The following TJP2 variants were observed in gnomAD, a reference collection of about 807,000 sequenced individuals.
TJP2 encodes Friedreich ataxia region gene X104 (tight junction protein ZO-2).
A neutral mutation model predicts 133.1 loss-of-function variants in TJP2; 91 were observed. That is an observed-to-expected ratio of 0.68 (90% CI 0.58 to 0.81). The LOEUF (loss-of-function observed/expected upper bound fraction) is 0.81, where lower values mean the gene tolerates loss of function less well. TJP2 is among the 40% of genes least tolerant of loss of function. The pLI is 0.00. For synonymous variants in TJP2, 592 were observed against 583.4 expected (o/e 1.01, Z -0.21); for missense variants, 1,541 against 1,565.6 (o/e 0.98, Z 0.26).
At chr9:69,228,273 A>G (rs1829501034) in intron 9 of TJP2, among the ~76,000 whole-genome samples, 159 bp downstream of exon 9, 1 of 152,216 alleles carries the variant, frequency 6.6e-6, no homozygotes, top group South Asian at 2.1e-4. Flanking sequence ...ACCACACAGC[A>G]CATGTTCTGA....
chr9:69,221,458 C>T lies in TJP2; in HGVS notation c.914C>T (p.Pro305Leu). ...PSPEPRGRPG[P>L]IGVLLMKSRA... ...CCCGAGCCTAGGGGGCGGCCGGGGC[C>T]CATCGGGGTCCTCCTGATGAAAAGC... The change falls in exon 5 of 23, where the codon CCC becomes CTC. Residue 305 changes from proline to leucine, a missense_variant. Coordinates refer to ENST00000377245, the MANE Select transcript of TJP2 (RefSeq NM_004817.4). 1 of 1,597,602 alleles carries T rather than the reference C, an allele frequency of 6.3e-7. No homozygotes were observed. Among genetic ancestry groups the T allele is most frequent in the Non-Finnish European group, 8.5e-7 (1 of 1,171,950 alleles).
intron 1 of TJP2, among the ~76,000 whole-genome samples, chr9:69,207,198 T>C (rs950302886): frequency 4.6e-5 from 7 of 152,240 alleles, no homozygotes; most frequent in Admixed American, 2.6e-4. Flanking sequence ...GAAAAACGCA[T>C]ACCAAAATTT....
chr9:69,239,847 C>T (rs1487360739), intron 16 of TJP2, 90 bp from the exon 17 acceptor site: 4 of 1,032,828 alleles, frequency 3.9e-6, no homozygotes, highest in South Asian at 1.4e-5. Context: ...CAAGATATAT[C>T]TCATACAGCC....
rs143191459 is a variant in TJP2 at position 69,243,130 on chromosome 9, C to T, written c.2566+2983C>T. On this transcript the variant is annotated intron_variant, in intron 17 of 22. Coordinates refer to ENST00000377245, the MANE Select transcript of TJP2 (RefSeq NM_004817.4). The stretch of plus-strand genomic sequence containing the variant: ...CTGCCCGTGTTGGCCTCCTAAAATG[C>T]TGGGATTACAGGCATGAGCCACCGT... Among the ~76,000 whole-genome samples, 562 of 152,258 alleles carry T rather than the reference C, an allele frequency of 3.7e-3. 6 individuals carry two copies. The highest frequency in any genetic ancestry group is 0.013 in the African/African-American group (522 of 41,546).
intron 2 of TJP2, among the ~76,000 whole-genome samples, chr9:69,213,330 G>A (rs1280057609): frequency 6.6e-6 from 1 of 152,166 alleles, no homozygotes; most frequent in Non-Finnish European, 1.5e-5. Context: ...GCAAAGTGCT[G>A]GGTTGCAGGC....
rs773854691 is a variant in TJP2 at position 69,221,091 on chromosome 9, C to T, written c.547C>T (p.Arg183Trp). Residue 183 changes from arginine to tryptophan, a missense_variant, in exon 5 of 23, where the codon CGG becomes TGG. By Grantham distance (101) the Arg-to-Trp change is moderately radical (BLOSUM62 -3). Transcript: ENST00000377245. ...CCCGGAAAGGGGGCGTCCCCATGAG[C>T]GGGCCCGGAGCCGGGAGCGGGACCT... ...DSPERGRPHERARSRERDLSR... is the reference protein window; with the variant it reads ...DSPERGRPHEWARSRERDLSR... 1.9e-6 allele frequency: 3 copies of T among 1,585,868 alleles called. No individual in the cohort carries two copies. The highest frequency in any genetic ancestry group is 2.6e-6 in the Non-Finnish European group (3 of 1,166,606).
At chr9:69,192,304 C>T (rs1826255777) in intron 1 of TJP2, among the ~76,000 whole-genome samples, 1 of 151,880 alleles carries the variant, frequency 6.6e-6, no homozygotes, top group Admixed American at 6.6e-5. Context: ...AAAAAACTTT[C>T]ATGTTAAATT....
intron 2 of TJP2, among the ~76,000 whole-genome samples, chr9:69,157,874 A>G (rs1483505355): frequency 6.6e-6 from 1 of 152,196 alleles, no homozygotes; most frequent in Non-Finnish European, 1.5e-5. Flanking sequence ...CATTTGGCCT[A>G]TCCTTGGAAA....
At chr9:69,228,143 C>T (rs1829491276) in intron 9 of TJP2, 29 bp downstream of exon 9, 3 of 1,576,322 alleles carry the variant, frequency 1.9e-6, no homozygotes, top group Admixed American at 1.9e-5. Flanking sequence ...TCAGTTTCAA[C>T]AGTTGTGTTC....
At chr9:69,174,585 G>A (rs1824923494) in intron 1 of TJP2, among the ~76,000 whole-genome samples, 153 bp downstream of exon 1, 1 of 152,200 alleles carries the variant, frequency 6.6e-6, no homozygotes, top group African/African-American at 2.4e-5. Context: ...ACGCAGGGGA[G>A]GGGTAGGTTT....
At chr9:69,148,363 C>CTCTGTAA (rs1354629788) in intron 1 of TJP2, among the ~76,000 whole-genome samples, 1 of 147,986 alleles carries the variant, frequency 6.8e-6, no homozygotes, top group Non-Finnish European at 1.5e-5. Flanking sequence ...ATGCTTCCCC[C>CTCTGTAA]TCTGTAATAC....
chr9:69,202,486 T>C (rs980583897), intron 1 of TJP2, among the ~76,000 whole-genome samples: 36 of 152,208 alleles, frequency 2.4e-4, no homozygotes, highest in Non-Finnish European at 4.4e-5. Flanking sequence ...AAAATCCATG[T>C]ATAACTTTTG....
rs186213415 is a variant in TJP2 at position 69,207,062 on chromosome 9, A to G, written c.61-5486A>G. Among the ~76,000 whole-genome samples the G allele has an allele frequency of 1.7e-3, 257 of 152,136 alleles. 1 individual carries two copies. The highest frequency in any genetic ancestry group is 6.0e-3 in the African/African-American group (250 of 41,498). On this transcript the variant is annotated intron_variant, in intron 1 of 22. Transcript: ENST00000377245. ...CCATACTCTGCCTCCTGCCCAGGTCACCTCATCCTGAATGTTATGTTTTTC... is the reference window on the plus strand; with the variant it reads ...CCATACTCTGCCTCCTGCCCAGGTCGCCTCATCCTGAATGTTATGTTTTTC...
At chr9:69,121,493 C>A in exon 1 of TJP2, 1 of 339,600 alleles carries the variant, frequency 2.9e-6, no homozygotes, top group Non-Finnish European at 4.2e-6. Flanking sequence ...GGAAATAGCC[C>A]GAATCACAAT....
intron 5 of TJP2, among the ~76,000 whole-genome samples, chr9:69,222,297 C>T (rs751698501): frequency 6.6e-6 from 1 of 151,834 alleles, no homozygotes; most frequent in Non-Finnish European, 1.5e-5. Context: ...CTGCCTCAGT[C>T]TCCGAAGTAG....
intron 9 of TJP2, among the ~76,000 whole-genome samples, chr9:69,228,909 A>C (rs940574038): frequency 1.3e-5 from 2 of 152,120 alleles, no homozygotes; most frequent in Non-Finnish European, 2.9e-5. Context: ...CAGTATCATT[A>C]TTGTATGTTT....
chr9:69,152,545 C>T (rs762008548), intron 2 of TJP2, among the ~76,000 whole-genome samples: 97 of 152,076 alleles, frequency 6.4e-4, no homozygotes, highest in Non-Finnish European at 1.2e-3. Context: ...AGCAGATAGT[C>T]GTTCAGATCC....
intron 1 of TJP2, chr9:69,205,142 C>A (rs531354450): frequency 1.1e-4 from 171 of 1,536,918 alleles, no homozygotes; most frequent in Admixed American, 1.8e-4. Flanking sequence ...GGTGGCCTGG[C>A]CCATGCATCT....
Position 69,127,213 on chromosome 9 carries a change from G to A in TJP2, c.-131+5488G>A, listed in dbSNP as rs562571639. Among the ~76,000 whole-genome samples the A allele has an allele frequency of 1.4e-3, 101 of 73,138 alleles. 38 individuals are homozygous for A. The highest frequency in any genetic ancestry group is 4.2e-3 in the African/African-American group (97 of 22,936). 48.0% of individuals were successfully genotyped at this position (73,138 alleles called of 152,430 possible). A position where few individuals can be genotyped will look rare whatever the true frequency, so the allele number is the denominator to read the frequency against. On this transcript the variant is annotated intron_variant, in intron 1 of 5. Transcript: ENST00000423935. ...GCCTCCTGAGTAGCTGGGACTACAGGTGCCCGCCACCACGCCCGGCTAATT... is the reference window on the plus strand; with the variant it reads ...GCCTCCTGAGTAGCTGGGACTACAGATGCCCGCCACCACGCCCGGCTAATT...
Sources: gnomAD v4.1 joint callset for allele counts (sites outside exome capture counted in the v4.1 genomes callset) on GRCh38, gnomAD v4.1.1 for gene constraint, MANE v1.5 for transcripts, NCBI Gene and HGNC (gene_info 2026-07-23, HGNC 2026-07-21) for gene names.